JMY: variants seen among roughly 807,000 people sequenced by gnomAD.
JMY encodes the protein junction mediating and regulatory protein, p53 cofactor.
In JMY, 46 loss-of-function variants were observed where a neutral mutation model predicts 103.3. That is an observed-to-expected ratio of 0.45 (90% CI 0.35 to 0.57). JMY has a LOEUF of 0.57. Among genes scored for constraint, JMY ranks in the 20% least tolerant of loss-of-function variants. JMY has a pLI of 0.00. For missense variants in JMY, 1,238 were observed against 1,255.2 expected, an observed-to-expected ratio of 0.99 and a Z score of 0.21; for synonymous variants, 526 against 489.3, an observed-to-expected ratio of 1.07 and a Z score of -0.99.
chr5:79,243,099 T>C (rs1334801275), intron 1 of JMY, among the ~76,000 whole-genome samples: 1 of 152,158 alleles, frequency 6.6e-6, no homozygotes, highest in Non-Finnish European at 1.5e-5. Flanking sequence ...GGAAGTTTTT[T>C]GTTTGTTTTG....
chr5:79,268,191 T>TA (rs1745639678), intron 1 of JMY, among the ~76,000 whole-genome samples: 1 of 152,120 alleles, frequency 6.6e-6, no homozygotes, highest in African/African-American at 2.4e-5. Context: ...TGCAGGGAGT[T>TA]ACGAATGTGC....
intron 10 of JMY, among the ~76,000 whole-genome samples, chr5:79,318,147 G>A (rs1284731829): frequency 8.6e-5 from 13 of 151,240 alleles, no homozygotes; most frequent in South Asian, 4.2e-4. Flanking sequence ...GATTACAGGC[G>A]ACTGCCATGA....
At chr5:79,245,694 T>C (rs889677393) in intron 1 of JMY, among the ~76,000 whole-genome samples, 8 of 152,130 alleles carry the variant, frequency 5.3e-5, no homozygotes, top group African/African-American at 1.9e-4. Context: ...GGCATGACTT[T>C]GGCTCACTGC....
rs144286624 is a variant in JMY, at chr5:79,314,290, A to C, written c.2098A>C (p.Arg700=). ...TGGGCAAGTCATACTTAAATCAACC[A>C]GATTACGACTAGCTCATGCAAGAAG... ...YPGQVILKST[R]LRLAHARRKG... Residue 700 remains arginine, a synonymous_variant, in exon 9 of 11, where the codon AGA becomes CGA. Coordinates refer to ENST00000396137, the MANE Select transcript of JMY (RefSeq NM_152405.5). 6 of 1,613,030 alleles carry C rather than the reference A, an allele frequency of 3.7e-6. No homozygotes were observed. The highest frequency in any genetic ancestry group is 1.7e-5 in the Admixed American group (1 of 59,820).
rs199955158 is a variant in JMY, at chr5:79,316,190, A to C, written c.2850A>C (p.Leu950=). The change falls in exon 10 of 11, where the codon CTA becomes CTC. Residue 950 remains leucine (L), a synonymous_variant. Transcript: ENST00000396137. ...KDVLRESFTL[L]PDTDPLTRSI... ...TTTTGAGAGAATCCTTCACACTTCT[A>C]CCCGATACAGACCCTCTAACACGGA... 2.5e-6 allele frequency: 4 copies of C among 1,614,126 alleles called. No individual in the cohort carries two copies. Among genetic ancestry groups the C allele is most frequent in the Non-Finnish European group, 3.4e-6 (4 of 1,179,974 alleles).
At chr5:79,270,119 C>T (rs1745701082) in intron 1 of JMY, among the ~76,000 whole-genome samples, 1 of 151,808 alleles carries the variant, frequency 6.6e-6, no homozygotes, top group Non-Finnish European at 1.5e-5. Context: ...TTACTGCTTC[C>T]CAGTCTACAC....
chr5:79,279,181 A>G (rs1349417790), intron 2 of JMY, among the ~76,000 whole-genome samples: 1 of 152,090 alleles, frequency 6.6e-6, no homozygotes, highest in Non-Finnish European at 1.5e-5. Context: ...TAAAAATACA[A>G]AAATTAGCTG....
intron 6 of JMY, among the ~76,000 whole-genome samples, chr5:79,302,105 T>C (rs1334340482): frequency 7.4e-6 from 1 of 134,698 alleles, no homozygotes; most frequent in Non-Finnish European, 1.6e-5. Context: ...AAAAAAAACA[T>C]TGCAGTGATT....
chr5:79,259,088 CAG>C (rs1475251053), intron 1 of JMY, among the ~76,000 whole-genome samples: 1 of 152,144 alleles, frequency 6.6e-6, no homozygotes, highest in African/African-American at 2.4e-5. Context: ...CAGCTTTCAG[CAG>C]AGAGGGTAGC....
chr5:79,277,861 A>G, intron 1 of JMY, 49 bp from the exon 2 acceptor site: 1 of 1,543,620 alleles, frequency 6.5e-7, no homozygotes, highest in South Asian at 1.2e-5. Flanking sequence ...AAGTATTTAT[A>G]GGTTATTAGA....
At chr5:79,266,785 A>G (rs958958729) in intron 1 of JMY, among the ~76,000 whole-genome samples, 1 of 152,232 alleles carries the variant, frequency 6.6e-6, no homozygotes, top group Non-Finnish European at 1.5e-5. Context: ...TTAAAAACAA[A>G]TAATAGAACC....
At chr5:79,255,799 G>C (rs191663614) in intron 1 of JMY, among the ~76,000 whole-genome samples, 1 of 152,206 alleles carries the variant, frequency 6.6e-6, no homozygotes, top group Admixed American at 6.5e-5. Flanking sequence ...TTCTCTCTCT[G>C]TTCTGAGCCA....
At chr5:79,269,644 A>C (rs888825315) in intron 1 of JMY, among the ~76,000 whole-genome samples, 1 of 152,152 alleles carries the variant, frequency 6.6e-6, no homozygotes, top group Non-Finnish European at 1.5e-5. Context: ...GATCTTGTAC[A>C]TATATTGTTA....
Position 79,316,039 on chromosome 5 carries a change from G to T in JMY, c.2699G>T (p.Arg900Leu). ...GATGAGGTGCTAGCCTCCTTGAAGC[G>T]TGGTAGTTTTCATCTGAAAAAGGTT... ...PMDEVLASLK[R>L]GSFHLKKVEQ... Residue 900 changes from arginine (R) to leucine (L), a missense_variant, in exon 10 of 11, where the codon CGT becomes CTT. Transcript: ENST00000396137. 1 of 1,614,188 alleles carries T rather than the reference G, an allele frequency of 6.2e-7. No individual in the cohort carries two copies. Among genetic ancestry groups the T allele is most frequent in the Middle Eastern group, 1.6e-4 (1 of 6,062 alleles).
rs768819008 is a variant in JMY at position 79,290,202 on chromosome 5, C to T, written c.1288C>T (p.His430Tyr). Residue 430 changes from histidine (H) to tyrosine (Y), a missense_variant, in exon 3 of 11, where the codon CAC becomes TAC. Transcript: ENST00000396137. ...AGATGCTGATTGGCAGCGGAAAGCT[C>T]ACATGGCTGTACTGTCTATTCAAGA... is the stretch of plus-strand genomic sequence containing the variant. ...KEDADWQRKA[H>Y]MAVLSIQDLT... The T allele has an allele frequency of 1.9e-6, 3 of 1,597,968 alleles. No homozygotes were observed. The highest frequency in any genetic ancestry group is 2.3e-5 in the East Asian group (1 of 44,270).
At chr5:79,278,207 T>G in intron 2 of JMY, 124 bp downstream of exon 2, 1 of 803,440 alleles carries the variant, frequency 1.2e-6, no homozygotes, top group Middle Eastern at 3.4e-4. Flanking sequence ...TGGTCCTATT[T>G]CTGCAAAGTT....
At chr5:79,248,740 T>TA (rs1744985876) in intron 1 of JMY, among the ~76,000 whole-genome samples, 1 of 152,184 alleles carries the variant, frequency 6.6e-6, no homozygotes, top group Non-Finnish European at 1.5e-5. Context: ...CTTACTTTAT[T>TA]TTCAGTTTAG....
chr5:79,290,160 G>A lies in JMY; in HGVS notation c.1246G>A (p.Glu416Lys). Residue 416 changes from glutamate (E) to lysine (K), a missense_variant, in exon 3 of 11, where the codon GAG (glutamate) becomes AAG (lysine). Glu to Lys is a moderately conservative substitution (Grantham distance 56). Transcript: ENST00000396137. ...ENDYLGPRRI[E>K]SLQKEDADWQ... ...TGATTATCTGGGACCTCGAAGAATT[G>A]AGAGTCTACAAAAAGAAGATGCTGA... 1 of 1,596,512 alleles carries A rather than the reference G, an allele frequency of 6.3e-7. No homozygotes were observed. The highest frequency in any genetic ancestry group is 1.1e-5 in the South Asian group (1 of 87,802).
chr5:79,250,734 C>T (rs1364913433), intron 1 of JMY, among the ~76,000 whole-genome samples: 2 of 149,920 alleles, frequency 1.3e-5, no homozygotes, highest in African/African-American at 4.9e-5. Context: ...GAAATTTTAC[C>T]CCACTATTAA....
Sources: gnomAD v4.1 joint callset for allele counts (sites outside exome capture counted in the v4.1 genomes callset) on GRCh38, gnomAD v4.1.1 for gene constraint, MANE v1.5 for transcripts, NCBI Gene and HGNC (gene_info 2026-07-23, HGNC 2026-07-21) for gene names.